The following BBS7 variants were observed in gnomAD, a reference collection of about 807,000 sequenced individuals.
BBS7 encodes BBSome complex member BBS7.
Under a neutral mutation model 90.3 loss-of-function variants are expected in BBS7, and 50 were observed. The observed-to-expected ratio is 0.55, with a 90% CI of 0.44 to 0.70. BBS7 has a LOEUF of 0.70. Among genes scored for constraint, BBS7 ranks in the 30% least tolerant of loss-of-function variants. BBS7 has a pLI of 0.00. For missense variants in BBS7, 729 were observed against 838.9 expected, an observed-to-expected ratio of 0.87 and a Z score of 1.62; for synonymous variants, 235 against 287.4, an observed-to-expected ratio of 0.82 and a Z score of 1.85.
chr4:121,862,327 C>T (rs983035275), intron 3 of BBS7, among the ~76,000 whole-genome samples: 1 of 152,064 alleles, frequency 6.6e-6, no homozygotes, highest in Non-Finnish European at 1.5e-5. Context: ...TTATTATTTG[C>T]ACCAGCTTCT....
intron 12 of BBS7, among the ~76,000 whole-genome samples, chr4:121,840,891 G>A (rs1031587611): frequency 1.3e-5 from 2 of 149,910 alleles, no homozygotes; most frequent in African/African-American, 2.5e-5. Context: ...AGGCTAGAGT[G>A]CAGTGGTGTG....
intron 1 of BBS7, among the ~76,000 whole-genome samples, chr4:121,869,319 C>T (rs1727458513): frequency 6.6e-6 from 1 of 152,112 alleles, no homozygotes; most frequent in Non-Finnish European, 1.5e-5. Context: ...TTCTGAAAGG[C>T]AGTGTAGTGT....
chr4:121,828,374 A>T, intron 17 of BBS7, 28 bp downstream of exon 17: 1 of 1,597,700 alleles, frequency 6.3e-7, no homozygotes, highest in Non-Finnish European at 8.6e-7. Context: ...AATAATAATC[A>T]CCAGTCCACG....
rs1167893788 is a variant in BBS7, at chr4:121,867,961, AAT to A, written c.102+18_102+19del. On this transcript the variant is annotated intron_variant, in intron 2 of 18. Coordinates refer to ENST00000264499, the MANE Select transcript of BBS7 (RefSeq NM_176824.3). ...TGTCACTGCTAGGGAATAGTGGAGA[AAT>A]CAGAATCTATACAGTACCTTTTGTG... 6.3e-7 allele frequency: 1 copy of A among 1,598,730 alleles called. No individual in the cohort carries two copies. The highest frequency in any genetic ancestry group is 8.6e-7 in the Non-Finnish European group (1 of 1,166,210).
At chr4:121,835,343 G>A (rs1201145853) in intron 13 of BBS7, 60 bp from the exon 14 acceptor site, 1 of 1,584,520 alleles carries the variant, frequency 6.3e-7, no homozygotes, top group African/African-American at 1.4e-5. Flanking sequence ...CATATCTTTA[G>A]AATGTTCAAC....
intron 6 of BBS7, 114 bp from the exon 7 acceptor site, chr4:121,854,934 A>C: frequency 9.7e-7 from 1 of 1,028,072 alleles, no homozygotes; most frequent in South Asian, 1.5e-5. Flanking sequence ...AAAAGATATA[A>C]AACTTAATTG....
chr4:121,849,549 C>A (rs1726199541), intron 8 of BBS7, among the ~76,000 whole-genome samples: 1 of 151,170 alleles, frequency 6.6e-6, no homozygotes, highest in Non-Finnish European at 1.5e-5. Flanking sequence ...ATAAGCAAGG[C>A]TGGGCGCGGT....
At chr4:121,856,524 G>A (rs955993373) in intron 5 of BBS7, among the ~76,000 whole-genome samples, 6 of 152,044 alleles carry the variant, frequency 3.9e-5, no homozygotes, top group African/African-American at 1.4e-4. Flanking sequence ...AGACCAGCCT[G>A]ACCAACATGG....
At chr4:121,847,653 C>A (rs977129772) in intron 9 of BBS7, 147 bp from the exon 10 acceptor site, 3 of 622,970 alleles carry the variant, frequency 4.8e-6, no homozygotes, top group Admixed American at 5.8e-5. Flanking sequence ...CATTCAAAAA[C>A]AAAACATAAA....
intron 13 of BBS7, among the ~76,000 whole-genome samples, chr4:121,836,714 C>A (rs75784062): frequency 0.045 from 6,823 of 152,182 alleles, 258 homozygotes; most frequent in East Asian, 0.11. Context: ...TTAATAGATT[C>A]CCCCAAAGGA....
intron 4 of BBS7, among the ~76,000 whole-genome samples, chr4:121,860,842 C>T (rs1167713560): frequency 2.0e-5 from 3 of 152,070 alleles, no homozygotes; most frequent in Non-Finnish European, 2.9e-5. Context: ...TATAACTTGG[C>T]TGCACTAGAT....
intron 11 of BBS7, among the ~76,000 whole-genome samples, chr4:121,845,055 A>G (rs1161106939): frequency 6.6e-6 from 1 of 152,202 alleles, no homozygotes; most frequent in African/African-American, 2.4e-5. Flanking sequence ...AGGAAGAATA[A>G]AAGGCCATAA....
intron 8 of BBS7, among the ~76,000 whole-genome samples, chr4:121,850,197 G>C (rs1173150907): frequency 5.3e-5 from 8 of 150,956 alleles, no homozygotes; most frequent in Non-Finnish European, 1.2e-4. Context: ...ACAGGACATT[G>C]ATCTGTTGCC....
intron 5 of BBS7, among the ~76,000 whole-genome samples, chr4:121,856,086 C>T (rs1726654808): frequency 6.6e-6 from 1 of 152,070 alleles, no homozygotes; most frequent in Non-Finnish European, 1.5e-5. Flanking sequence ...CCTATCAAGT[C>T]TCTAGGAACA....
chr4:121,831,276 G>A (rs1043450458), intron 15 of BBS7, among the ~76,000 whole-genome samples: 3 of 151,828 alleles, frequency 2.0e-5, no homozygotes, highest in African/African-American at 7.2e-5. Flanking sequence ...TCACAGACAA[G>A]TAAGAAAAAA....
Position 121,828,272 on chromosome 4 carries a change from A to G in BBS7, c.1891-3T>C. The stretch of plus-strand genomic sequence containing the variant: ...TTTCCCTCATGAATCTGTAATTCCT[A>G]TTTAAAATGAAAAACAGAAGCACCT... On this transcript the variant is annotated splice_polypyrimidine_tract_variant and splice_region_variant and intron_variant, in intron 17 of 18. Coordinates refer to ENST00000264499, the MANE Select transcript of BBS7 (RefSeq NM_176824.3). 1 of 1,611,646 alleles carries G rather than the reference A, an allele frequency of 6.2e-7. No individual in the cohort carries two copies. The highest frequency in any genetic ancestry group is 8.5e-7 in the Non-Finnish European group (1 of 1,177,978).
chr4:121,859,271 CA>C (rs1302716612), intron 4 of BBS7, 93 bp from the exon 5 acceptor site: 9 of 1,110,344 alleles, frequency 8.1e-6, no homozygotes, highest in Non-Finnish European at 1.2e-5. Flanking sequence ...AGTTTACTAA[CA>C]TTTTATTATA....
intron 13 of BBS7, among the ~76,000 whole-genome samples, chr4:121,836,949 T>C (rs1232101389): frequency 6.7e-6 from 1 of 148,878 alleles, no homozygotes; most frequent in Admixed American, 6.9e-5. Flanking sequence ...TTCCCTCTTC[T>C]GTGTTTTGGG....
At chr4:121,841,568 T>TA (rs879368129) in intron 12 of BBS7, among the ~76,000 whole-genome samples, 20 of 147,924 alleles carry the variant, frequency 1.4e-4, no homozygotes, top group Non-Finnish European at 2.0e-4. Flanking sequence ...CCCCATCTTT[T>TA]AAAAAAAAAA....
Sources: allele counts gnomAD v4.1 joint callset (sites outside exome capture counted in the v4.1 genomes callset), GRCh38; gene constraint gnomAD v4.1.1; transcripts MANE v1.5; gene names NCBI Gene and HGNC (gene_info 2026-07-23, HGNC 2026-07-21).